Variants in DCHS2 observed in about 807,000 individuals in gnomAD.
The protein encoded by DCHS2 is protocadherin-23.
In DCHS2, 142 loss-of-function variants were observed where a neutral mutation model predicts 182.4. The observed-to-expected ratio is 0.78, with a 90% CI of 0.68 to 0.89. The LOEUF is 0.89. Ranked by LOEUF, DCHS2 falls within the 40% of genes least tolerant of loss-of-function variation. The probability of loss-of-function intolerance (pLI) is 0.00; values close to 1 mark genes in which losing one functional copy is unlikely to be tolerated. For missense variants in DCHS2, 4,319 were observed against 4,198.6 expected (o/e 1.03, Z -0.79); for synonymous variants, 1,740 against 1,663.3 (o/e 1.05, Z -1.12).
intron 15 of DCHS2, among the ~76,000 whole-genome samples, chr4:154,257,654 G>A (rs772729364): frequency 6.6e-6 from 1 of 152,186 alleles, no homozygotes; most frequent in African/African-American, 2.4e-5. Flanking sequence ...TGTAACCAAA[G>A]GAGGGCATTG....
chr4:154,443,036 T>C (rs1734103017), intron 1 of DCHS2, among the ~76,000 whole-genome samples: 1 of 151,910 alleles, frequency 6.6e-6, no homozygotes, highest in Non-Finnish European at 1.5e-5. Flanking sequence ...CCTCCTCCCC[T>C]CTGTCCAGCC....
intron 17 of DCHS2, among the ~76,000 whole-genome samples, chr4:154,241,225 G>A (rs1731810306): frequency 6.6e-6 from 1 of 152,052 alleles, no homozygotes; most frequent in African/African-American, 2.4e-5. Context: ...TACAAAACAT[G>A]GCATTTTCAA....
chr4:154,253,518 A>C (rs1732489950), intron 16 of DCHS2, among the ~76,000 whole-genome samples: 1 of 152,170 alleles, frequency 6.6e-6, no homozygotes, highest in Non-Finnish European at 1.5e-5. Context: ...ATTTGTAATC[A>C]CTCAATTAGA....
At chr4:154,420,246 CAGATAGATAGATAGATAGATAGAT>C (rs35709774) in intron 1 of DCHS2, among the ~76,000 whole-genome samples, 3 of 144,854 alleles carry the variant, frequency 2.1e-5, no homozygotes, top group East Asian at 2.1e-4. Context: ...GACAGACAGA[CAGATAGATAGATAGATAGATAGAT>C]AGATAGATAG....
intron 6 of DCHS2, 29 bp downstream of exon 6, chr4:154,329,494 C>A: frequency 6.3e-7 from 1 of 1,596,560 alleles, no homozygotes; most frequent in Non-Finnish European, 8.6e-7. Flanking sequence ...TAAGATATTA[C>A]AAATTCATTG....
intron 1 of DCHS2, among the ~76,000 whole-genome samples, chr4:154,426,450 A>G (rs576866851): frequency 3.1e-4 from 47 of 152,130 alleles, no homozygotes; most frequent in Non-Finnish European, 5.4e-4. Context: ...TAGGTAACAT[A>G]AGGGAATAAG....
In DCHS2 at chr4:154,320,401, C is replaced by G. The variant is rs749989326; in HGVS notation, c.4998G>C (p.Thr1666=). 2.5e-6 allele frequency: 4 copies of G among 1,613,760 alleles called. No individual in the cohort carries two copies. The African/African-American group carries it at 5.3e-5, about 22-fold the overall frequency. ...YSILSGNENM[T]FMLDESSGLL... is the part of the protein sequence containing the mutation. ...TACCTGATGACTCATCTAGCATAAA[C>G]GTCATGTTTTCATTTCCTGAGAGGA... is the stretch of plus-strand genomic sequence containing the variant. Residue 1666 remains threonine, a synonymous_variant, in exon 9 of 20, where the codon ACG becomes ACC. Transcript: ENST00000357232.
intron 2 of DCHS2, among the ~76,000 whole-genome samples, chr4:154,371,926 C>T (rs760310044): frequency 1.1e-4 from 16 of 152,152 alleles, no homozygotes; most frequent in Non-Finnish European, 2.1e-4. Context: ...CTACCTCCAA[C>T]GCTGGGGATT....
chr4:154,368,617 A>G (rs1014719753), intron 2 of DCHS2, among the ~76,000 whole-genome samples: 1 of 152,016 alleles, frequency 6.6e-6, no homozygotes, highest in African/African-American at 2.4e-5. Flanking sequence ...CCCGGGTTCA[A>G]GTGATTCTCC....
Position 154,483,520 on chromosome 4 carries a change from A to G in DCHS2, c.2052+5784T>C, listed in dbSNP as rs541179157. On this transcript the variant is annotated intron_variant, in intron 1 of 19. Coordinates refer to ENST00000357232, the MANE Select transcript of DCHS2 (RefSeq NM_001358235.2). ...AATTGCCTGGATGACAAGAGTTACA[A>G]TGGGGACAACAATGACTAAAACAGG... 9.2e-5 allele frequency among the ~76,000 whole-genome samples: 14 copies of G among 152,336 alleles called. No homozygotes were observed. In the South Asian group the frequency reaches 2.7e-3, roughly 29 times the overall value.
chr4:154,392,470 G>A (rs1731751683), intron 1 of DCHS2, among the ~76,000 whole-genome samples: 1 of 152,136 alleles, frequency 6.6e-6, no homozygotes, highest in South Asian at 2.1e-4. Flanking sequence ...GAGGCAAAGT[G>A]AGTAAGTTCA....
At position 154,490,539 on chromosome 4, in the gene DCHS2, G is replaced by C; in HGVS notation, c.817C>G (p.Arg273Gly). The C allele has an allele frequency of 1.9e-6, 3 of 1,539,070 alleles. No homozygotes were observed. Among genetic ancestry groups the C allele is most frequent in the Non-Finnish European group, 2.6e-6 (3 of 1,146,306 alleles). The part of the protein sequence containing the change: ...RLQIEAWDGG[R>G]PRRTGLLSVE... ...CTCAGGAGGCCGGTGCGCCGGGGTC[G>C]GCCGCCGTCCCATGCCTCGATCTGC... The change falls in exon 1 of 20, where the codon CGA becomes GGA. Residue 273 changes from arginine (R) to glycine (G), a missense_variant. Transcript: ENST00000357232.
rs1380109379 is a variant in DCHS2 at position 154,491,387 on chromosome 4, G to A, written c.-32C>T. 2.0e-6 allele frequency: 3 copies of A among 1,473,690 alleles called. No individual in the cohort carries two copies. The highest frequency in any genetic ancestry group is 2.8e-5 in the African/African-American group (2 of 70,756). 91.3% of individuals were successfully genotyped at this position (1,473,690 alleles called of 1,614,324 possible). A position where few individuals can be genotyped will look rare whatever the true frequency, so the allele number is the denominator to read the frequency against. On this transcript the variant is annotated 5_prime_UTR_variant, in exon 1 of 20. Transcript: ENST00000357232. ...TCCAGCTCCTTGGGAAGGCTCTCGG[G>A]TAACTGCCAGCTTGTGGCAGGATCG...
rs551276523 is a variant in DCHS2 at position 154,288,314 on chromosome 4, A to G, written c.6463+9537T>C. 3.3e-5 allele frequency among the ~76,000 whole-genome samples: 5 copies of G among 152,334 alleles called. No individual in the cohort carries two copies. In the East Asian group the frequency reaches 9.6e-4, roughly 29 times the overall value. ...TACAATAGATTTCAACACAAAAACT[A>G]TATAGACAAGGAAGGTCATTATGCA... is the stretch of plus-strand genomic sequence containing the variant. On this transcript the variant is annotated intron_variant, in intron 13 of 19. Coordinates refer to ENST00000357232, the MANE Select transcript of DCHS2 (RefSeq NM_001358235.2).
At chr4:154,357,470 C>T in intron 3 of DCHS2, 1 of 613,632 alleles carries the variant, frequency 1.6e-6, no homozygotes. Flanking sequence ...GCCCAGCTAT[C>T]ACCAGACCCT....
intron 1 of DCHS2, among the ~76,000 whole-genome samples, chr4:154,473,010 A>G (rs1037031824): frequency 1.3e-5 from 2 of 152,224 alleles, no homozygotes; most frequent in Non-Finnish European, 2.9e-5. Context: ...TGCCTCACCA[A>G]GATGGGAGTG....
At chr4:154,295,399 A>T (rs1000928148) in intron 13 of DCHS2, among the ~76,000 whole-genome samples, 2 of 152,246 alleles carry the variant, frequency 1.3e-5, no homozygotes, top group Non-Finnish European at 2.9e-5. Flanking sequence ...ATGACAGATA[A>T]CATGTGCTTC....
chr4:154,462,203 C>T (rs905222040), intron 1 of DCHS2, among the ~76,000 whole-genome samples: 1 of 152,096 alleles, frequency 6.6e-6, no homozygotes, highest in East Asian at 1.9e-4. Flanking sequence ...ATGATACATC[C>T]AATTTTTGCC....
chr4:154,276,550 A>G (rs1164857769), intron 13 of DCHS2, among the ~76,000 whole-genome samples: 1 of 152,216 alleles, frequency 6.6e-6, no homozygotes, highest in Non-Finnish European at 1.5e-5. Flanking sequence ...AGCAATGCCA[A>G]CATTTTCTTA....
Sources: allele counts gnomAD v4.1 joint callset (sites outside exome capture counted in the v4.1 genomes callset), GRCh38; gene constraint gnomAD v4.1.1; transcripts MANE v1.5; gene names NCBI Gene and HGNC (gene_info 2026-07-23, HGNC 2026-07-21).